Variants in CSMD1 observed in about 807,000 individuals in gnomAD.
CSMD1 encodes CUB and sushi domain-containing protein 1.
Under a neutral mutation model 417.5 loss-of-function variants are expected in CSMD1, and 213 were observed. That is an observed-to-expected ratio of 0.51 (90% CI 0.46 to 0.57). CSMD1 has a LOEUF of 0.57. Among genes scored for constraint, CSMD1 ranks in the 20% least tolerant of loss-of-function variants. The pLI is 0.00. For missense variants in CSMD1, 6,923 were observed against 4,529.7 expected (o/e 1.53, Z -15.17); for synonymous variants, 2,862 against 1,736.8 (o/e 1.65, Z -16.11).
rs367982704 is a variant in CSMD1, at chr8:4,307,312, A to C, written c.415+112641T>G. Among the ~76,000 whole-genome samples the C allele has an allele frequency of 4.6e-5, 7 of 152,184 alleles. No homozygotes were observed. In the East Asian group the frequency reaches 9.6e-4, roughly 21 times the overall value. On this transcript the variant is annotated intron_variant, in intron 3 of 69. Coordinates refer to ENST00000635120, the MANE Select transcript of CSMD1 (RefSeq NM_033225.6). ...TATATATTAATCCCCTAGCACAGGCATCACACATGTCCACATTGAGGCTGA... is the reference window on the plus strand; with the variant it reads ...TATATATTAATCCCCTAGCACAGGCCTCACACATGTCCACATTGAGGCTGA...
In CSMD1 at chr8:3,283,767, C is replaced by T. The variant is rs184409044; in HGVS notation, c.4153+377G>A. The stretch of plus-strand genomic sequence containing the variant: ...AGCTGAGCAAAGGAGACTTAAGTTC[C>T]TCCCCGTTTATCACCACTAAATTCT... On this transcript the variant is annotated intron_variant, in intron 26 of 69. Coordinates refer to ENST00000635120, the MANE Select transcript of CSMD1 (RefSeq NM_033225.6). Among the ~76,000 whole-genome samples, 13 of 152,350 alleles carry T rather than the reference C, an allele frequency of 8.5e-5. No homozygotes were observed. In the East Asian group the frequency reaches 2.5e-3, roughly 29 times the overall value.
At chr8:4,441,468 A>G (rs1482358731) in intron 2 of CSMD1, among the ~76,000 whole-genome samples, 7 of 151,902 alleles carry the variant, frequency 4.6e-5, no homozygotes, top group Admixed American at 4.6e-4. Context: ...TGAATGTTTT[A>G]TTAGGAGTTA....
intron 8 of CSMD1, among the ~76,000 whole-genome samples, chr8:3,612,395 C>A (rs73491463): frequency 0.018 from 2,805 of 152,162 alleles, 92 homozygotes; most frequent in African/African-American, 0.065. Flanking sequence ...ACAGATCTGA[C>A]AAGTGTTAAG....
intron 30 of CSMD1, among the ~76,000 whole-genome samples, chr8:3,205,825 A>G (rs1377517013): frequency 6.6e-6 from 1 of 152,208 alleles, no homozygotes; most frequent in Non-Finnish European, 1.5e-5. Flanking sequence ...TTAGGAGAAA[A>G]ACCTAATATT....
At chr8:4,411,989 G>GGTGT (rs60793651) in intron 3 of CSMD1, among the ~76,000 whole-genome samples, 31,646 of 148,892 alleles carry the variant, frequency 0.21, 3,615 homozygotes, top group East Asian at 0.31. Context: ...CATAGCTAAG[G>GGTGT]GTGTGTGTGT....
intron 3 of CSMD1, among the ~76,000 whole-genome samples, chr8:4,159,708 C>T (rs939609321): frequency 1.3e-5 from 2 of 152,162 alleles, no homozygotes; most frequent in Non-Finnish European, 2.9e-5. Context: ...CCTGCCTCAG[C>T]CTCCCGAGCA....
At chr8:3,513,271 T>C (rs569343014) in intron 10 of CSMD1, among the ~76,000 whole-genome samples, 7 of 152,226 alleles carry the variant, frequency 4.6e-5, no homozygotes, top group African/African-American at 1.7e-4. Context: ...TTTTGTTTTT[T>C]GTAAGAGGAG....
At chr8:4,541,000 A>C (rs1442083474) in intron 2 of CSMD1, among the ~76,000 whole-genome samples, 4 of 152,204 alleles carry the variant, frequency 2.6e-5, no homozygotes, top group African/African-American at 9.7e-5. Flanking sequence ...TGAAAAGCTC[A>C]AACTCTTTAA....
intron 2 of CSMD1, among the ~76,000 whole-genome samples, chr8:4,632,958 G>C (rs1041575926): frequency 6.6e-6 from 1 of 152,162 alleles, no homozygotes; most frequent in East Asian, 1.9e-4. Context: ...ACAAACGGGA[G>C]GGACTGAAGG....
chr8:3,939,642 T>A (rs973362733), intron 5 of CSMD1, among the ~76,000 whole-genome samples: 11 of 152,044 alleles, frequency 7.2e-5, no homozygotes, highest in African/African-American at 2.7e-4. Context: ...AATTAGCAGA[T>A]AAAGAAAATG....
At chr8:4,461,674 C>T (rs1384962964) in intron 2 of CSMD1, among the ~76,000 whole-genome samples, 1 of 150,632 alleles carries the variant, frequency 6.6e-6, no homozygotes, top group Non-Finnish European at 1.5e-5. Flanking sequence ...CCTCAGCCTG[C>T]TGTATAGCTG....
chr8:3,936,172 C>T (rs1335524309), intron 5 of CSMD1, among the ~76,000 whole-genome samples: 2 of 100,812 alleles, frequency 2.0e-5, no homozygotes, highest in African/African-American at 3.8e-5. Flanking sequence ...GATGTCAGTT[C>T]ATAGGGTTTA....
intron 8 of CSMD1, among the ~76,000 whole-genome samples, chr8:3,606,877 AT>A (rs913290439): frequency 6.6e-6 from 1 of 151,608 alleles, no homozygotes; most frequent in Non-Finnish European, 1.5e-5. Context: ...CGCCCGGCAA[AT>A]TTTTTTGTAT....
At chr8:3,720,620 TACACACACAC>T (rs1554520854) in intron 6 of CSMD1, among the ~76,000 whole-genome samples, 1 of 143,322 alleles carries the variant, frequency 7.0e-6, no homozygotes, top group Non-Finnish European at 1.5e-5. Context: ...TCTTTATTCT[TACACACACAC>T]ACACACACAC....
chr8:4,204,816 A>C (rs989290731), intron 3 of CSMD1, among the ~76,000 whole-genome samples: 41 of 145,864 alleles, frequency 2.8e-4, no homozygotes, highest in African/African-American at 1.0e-3. Context: ...CAGCACACAC[A>C]GCTAACTTTT....
intron 1 of CSMD1, among the ~76,000 whole-genome samples, chr8:4,854,419 C>T (rs1180049747): frequency 1.3e-5 from 2 of 152,106 alleles, no homozygotes; most frequent in African/African-American, 4.8e-5. Flanking sequence ...GCCAAGATGG[C>T]CGAATAGGAA....
intron 6 of CSMD1, among the ~76,000 whole-genome samples, chr8:3,751,087 C>T (rs1005831743): frequency 3.9e-5 from 6 of 152,012 alleles, no homozygotes; most frequent in African/African-American, 7.2e-5. Context: ...AGCAGGAAGT[C>T]CCCTGTTCAA....
intron 25 of CSMD1, among the ~76,000 whole-genome samples, chr8:3,294,807 G>C (rs550731297): frequency 6.6e-6 from 1 of 152,034 alleles, no homozygotes; most frequent in Non-Finnish European, 1.5e-5. Flanking sequence ...TTTGGCTCCC[G>C]CTTGGTGGGC....
intron 5 of CSMD1, among the ~76,000 whole-genome samples, chr8:3,977,976 T>A (rs1813570772): frequency 6.6e-6 from 1 of 152,234 alleles, no homozygotes; most frequent in South Asian, 2.1e-4. Context: ...GTCCATCTAC[T>A]AGCTCTTACC....
Sources: gnomAD v4.1 joint callset for allele counts (sites outside exome capture counted in the v4.1 genomes callset) on GRCh38, gnomAD v4.1.1 for gene constraint, MANE v1.5 for transcripts, NCBI Gene and HGNC (gene_info 2026-07-23, HGNC 2026-07-21) for gene names.